The following PTGES3 variants were observed in gnomAD, a reference collection of about 807,000 sequenced individuals.
PTGES3 encodes the protein Hsp90 co-chaperone.
In PTGES3, 5 loss-of-function variants were observed where a neutral mutation model predicts 29.9. The ratio of observed to expected loss-of-function variants is 0.17; its 90% CI spans 0.09 to 0.35. PTGES3 has a LOEUF of 0.35. Ranked by LOEUF, PTGES3 falls within the 10% of genes least tolerant of loss-of-function variation. The pLI is 1.00. For synonymous variants in PTGES3, 49 were observed against 57.8 expected (o/e 0.85, Z 0.69); for missense variants, 128 against 190.0 (o/e 0.67, Z 1.92).
At chr12:56,674,519 G>A (rs1200522919) in intron 1 of PTGES3, among the ~76,000 whole-genome samples, 3 of 151,790 alleles carry the variant, frequency 2.0e-5, no homozygotes, top group African/African-American at 4.8e-5. Flanking sequence ...GGAGAAACTC[G>A]TCTCTGCTAA....
At chr12:56,674,175 A>T (rs1457681667) in intron 1 of PTGES3, among the ~76,000 whole-genome samples, 2 of 152,182 alleles carry the variant, frequency 1.3e-5, no homozygotes, top group East Asian at 3.9e-4. Flanking sequence ...AATGACAAGT[A>T]AATATGAGGT....
chr12:56,664,321 T>C lies in PTGES3; in HGVS notation c.*158A>G. 1.3e-6 allele frequency: 1 copy of C among 766,624 alleles called. No individual in the cohort carries two copies. Among genetic ancestry groups the C allele is most frequent in the Non-Finnish European group, 2.1e-6 (1 of 467,520 alleles). 47.5% of individuals were successfully genotyped at this position (766,624 alleles called of 1,614,324 possible). The stretch of plus-strand genomic sequence containing the variant: ...TACAATGGTACATATCAACCCTTAG[T>C]GAAGCCTTTTAAAAAACAAACAGGT... On this transcript the variant is annotated 3_prime_UTR_variant, in exon 8 of 8. Transcript: ENST00000262033.
chr12:56,666,210 T>C lies in PTGES3; in HGVS notation c.432A>G (p.Ala144=). The C allele has an allele frequency of 6.2e-7, 1 of 1,609,526 alleles. No individual in the cohort carries two copies. Among genetic ancestry groups the C allele is most frequent in the Non-Finnish European group, 8.5e-7 (1 of 1,177,772 alleles). Residue 144 remains alanine (A), a synonymous_variant, in exon 6 of 8, where the codon GCA becomes GCG. Coordinates refer to ENST00000262033, the MANE Select transcript of PTGES3 (RefSeq NM_006601.7). ...AAAGAATTTTTAGACTTACATCATCTGCTCCATCTACTTCTGGTAAATCTA... is the reference window on the plus strand; with the variant it reads ...AAAGAATTTTTAGACTTACATCATCCGCTCCATCTACTTCTGGTAAATCTA... The part of the protein sequence containing the change: ...EDVDLPEVDG[A]DDDSQDSDDE...
intron 5 of PTGES3, among the ~76,000 whole-genome samples, chr12:56,668,791 C>A (rs988912707): frequency 2.6e-5 from 4 of 152,096 alleles, no homozygotes; most frequent in Non-Finnish European, 5.9e-5. Flanking sequence ...CAAATAGCAA[C>A]AAGAAATGGA....
intron 6 of PTGES3, 113 bp downstream of exon 6, chr12:56,666,087 CTTTT>C (rs542812831): frequency 4.0e-5 from 56 of 1,383,316 alleles, no homozygotes; most frequent in East Asian, 5.5e-5. Context: ...TTTCCCTTTT[CTTTT>C]TTTTTAGAAA....
intron 1 of PTGES3, among the ~76,000 whole-genome samples, chr12:56,676,390 ATAATC>A (rs909334379): frequency 1.3e-5 from 2 of 152,124 alleles, no homozygotes; most frequent in Admixed American, 6.6e-5. Context: ...GTTTTATTAT[ATAATC>A]TAAACTAGCT....
intron 7 of PTGES3, 24 bp downstream of exon 7, chr12:56,664,752 A>C (rs746339744): frequency 3.8e-6 from 6 of 1,584,766 alleles, no homozygotes; most frequent in Non-Finnish European, 5.2e-6. Context: ...TCACTGTATA[A>C]ACATACTTTT....
chr12:56,683,561 A>C (rs528595184), intron 1 of PTGES3, among the ~76,000 whole-genome samples: 48 of 150,922 alleles, frequency 3.2e-4, no homozygotes, highest in African/African-American at 1.1e-3. Context: ...TGAGGCAGAG[A>C]ACTACTTCAA....
chr12:56,685,399 C>CTTTTTT (rs143526249), intron 1 of PTGES3, among the ~76,000 whole-genome samples: 19 of 131,162 alleles, frequency 1.4e-4, no homozygotes, highest in East Asian at 4.3e-4. Context: ...TTTTTCTTTT[C>CTTTTTT]TTTTTTTTTT....
At chr12:56,668,225 T>A (rs1222585452) in intron 5 of PTGES3, among the ~76,000 whole-genome samples, 1 of 152,178 alleles carries the variant, frequency 6.6e-6, no homozygotes, top group Non-Finnish European at 1.5e-5. Context: ...CAATCTATCT[T>A]GAATGAAATG....
chr12:56,683,983 A>G (rs1192564261), intron 1 of PTGES3, among the ~76,000 whole-genome samples: 1 of 151,526 alleles, frequency 6.6e-6, no homozygotes, highest in Non-Finnish European at 1.5e-5. Flanking sequence ...AAAAAAAACA[A>G]ACAAAAAAAA....
At chr12:56,680,354 T>G (rs1592273605) in intron 1 of PTGES3, among the ~76,000 whole-genome samples, 6 of 151,750 alleles carry the variant, frequency 4.0e-5, no homozygotes, top group Non-Finnish European at 8.8e-5. Flanking sequence ...GGATTATAGG[T>G]GTGAGTCACT....
At chr12:56,675,703 C>G (rs373772193) in intron 1 of PTGES3, among the ~76,000 whole-genome samples, 3 of 151,948 alleles carry the variant, frequency 2.0e-5, no homozygotes, top group East Asian at 1.9e-4. Flanking sequence ...GGTGCATCAC[C>G]TAAGGTCAGG....
Position 56,663,483 on chromosome 12 carries a change from CCT to C in PTGES3, c.*994_*995del, listed in dbSNP as rs1422190802. On this transcript the variant is annotated 3_prime_UTR_variant, in exon 8 of 8. Transcript: ENST00000262033. ...AGGTTTCCTGTGACATTACAGCAAG[CCT>C]CTTTTTTCAAACAGAGGAATAATCC... 6.6e-6 allele frequency: 1 copy of C among 152,344 alleles called. No individual in the cohort carries two copies. The highest frequency in any genetic ancestry group is 3.2e-3 in the Middle Eastern group (1 of 316). The allele number at this position is 152,344 out of a possible 1,614,324, so 9.4% of individuals were successfully genotyped here.
At chr12:56,673,905 C>T (rs1157125376) in intron 1 of PTGES3, among the ~76,000 whole-genome samples, 1 of 151,664 alleles carries the variant, frequency 6.6e-6, no homozygotes, top group Non-Finnish European at 1.5e-5. Flanking sequence ...GAGGTGGAGG[C>T]TGCGGTGAGC....
intron 1 of PTGES3, chr12:56,686,946 C>T (rs1592291909): frequency 9.4e-6 from 3 of 319,812 alleles, no homozygotes; most frequent in Non-Finnish European, 1.7e-5. Flanking sequence ...AAGGTTCCAC[C>T]TTAATTGTTC....
intron 1 of PTGES3, among the ~76,000 whole-genome samples, chr12:56,676,557 C>T (rs78969192): frequency 0.03 from 4,529 of 152,046 alleles, 92 homozygotes; most frequent in Non-Finnish European, 0.045. Context: ...GCTTCAGGGT[C>T]TAAAACCAAA....
At chr12:56,671,028 G>A (rs1009721039) in intron 4 of PTGES3, among the ~76,000 whole-genome samples, 4 of 152,028 alleles carry the variant, frequency 2.6e-5, no homozygotes, top group African/African-American at 7.3e-5. Context: ...TGGGAGGATC[G>A]CTTAAGCCCA....
At chr12:56,678,485 C>T (rs1952371683) in intron 1 of PTGES3, among the ~76,000 whole-genome samples, 1 of 152,076 alleles carries the variant, frequency 6.6e-6, no homozygotes, top group Non-Finnish European at 1.5e-5. Context: ...CCTGTTTTGT[C>T]TTTTATAATA....
Sources: gnomAD v4.1 joint callset for allele counts (sites outside exome capture counted in the v4.1 genomes callset) on GRCh38, gnomAD v4.1.1 for gene constraint, MANE v1.5 for transcripts, NCBI Gene and HGNC (gene_info 2026-07-23, HGNC 2026-07-21) for gene names.